Variants in RNGTT observed in about 807,000 individuals in gnomAD.
RNGTT encodes RNA guanylyltransferase and 5'-phosphatase, also known as mRNA-capping enzyme.
RNGTT carries 33 observed loss-of-function variants against 79.3 expected under a neutral mutation model. The observed-to-expected ratio is 0.42, with a 90% confidence interval of 0.32 to 0.56. RNGTT has a LOEUF of 0.56. Ranked by LOEUF, RNGTT falls within the 20% of genes least tolerant of loss-of-function variation. RNGTT has a pLI of 0.17. For synonymous variants in RNGTT, 222 were observed against 235.9 expected, an observed-to-expected ratio of 0.94 and a Z score of 0.54; for missense variants, 497 against 739.1, an observed-to-expected ratio of 0.67 and a Z score of 3.80.
chr6:88,705,196 A>G (rs7760588), intron 13 of RNGTT, among the ~76,000 whole-genome samples: 17,566 of 152,196 alleles, frequency 0.12, 3,414 homozygotes, highest in African/African-American at 0.4. Flanking sequence ...AAGACATTTT[A>G]TATCATAATC....
intron 13 of RNGTT, among the ~76,000 whole-genome samples, chr6:88,744,542 G>A (rs181763220): frequency 4.3e-4 from 65 of 152,254 alleles, no homozygotes; most frequent in Middle Eastern, 3.4e-3. Context: ...TAACAGGCAT[G>A]AGCCACCGTG....
At chr6:88,786,530 T>G (rs768799018) in intron 12 of RNGTT, among the ~76,000 whole-genome samples, 6 of 152,032 alleles carry the variant, frequency 3.9e-5, no homozygotes, top group Non-Finnish European at 8.8e-5. Context: ...TAGATAGGAG[T>G]CTAATAAAAC....
intron 7 of RNGTT, 61 bp from the exon 8 acceptor site, chr6:88,890,657 T>A: frequency 1.9e-6 from 2 of 1,048,958 alleles, no homozygotes; most frequent in Non-Finnish European, 2.9e-6. Flanking sequence ...ATACATGTCT[T>A]AAACCAATCT....
At chr6:88,799,729 G>T (rs1207680125) in intron 12 of RNGTT, among the ~76,000 whole-genome samples, 1 of 148,490 alleles carries the variant, frequency 6.7e-6, no homozygotes, top group Non-Finnish European at 1.5e-5. Context: ...AAAAAGTATG[G>T]TTACTAGAAA....
chr6:88,677,153 T>C (rs1255243590), intron 14 of RNGTT, among the ~76,000 whole-genome samples: 1 of 152,130 alleles, frequency 6.6e-6, no homozygotes, highest in Non-Finnish European at 1.5e-5. Context: ...TCAAAATAAT[T>C]ATGCTGAGTG....
intron 8 of RNGTT, among the ~76,000 whole-genome samples, chr6:88,883,876 C>T (rs1370573814): frequency 6.6e-6 from 1 of 152,084 alleles, no homozygotes; most frequent in Non-Finnish European, 1.5e-5. Context: ...ACAGATAATT[C>T]ACAAAAAAGA....
At position 88,771,770 on chromosome 6, in the gene RNGTT, T is replaced by C. The variant is rs1172106872; in HGVS notation, c.1339-1896A>G. ...GAGATCTTGCATGGCTTTTGTTAAA[T>C]GTATTCCTAATAATTTACTATTTTT... On this transcript the variant is annotated intron_variant, in intron 12 of 15. Coordinates refer to ENST00000369485, the MANE Select transcript of RNGTT (RefSeq NM_003800.5). Among the ~76,000 whole-genome samples, 3 of 152,172 alleles carry C rather than the reference T, an allele frequency of 2.0e-5. No homozygotes were observed. In the East Asian group the frequency reaches 5.8e-4, roughly 29 times the overall value.
intron 12 of RNGTT, among the ~76,000 whole-genome samples, chr6:88,800,062 T>C (rs910984002): frequency 6.6e-6 from 1 of 152,214 alleles, no homozygotes; most frequent in Non-Finnish European, 1.5e-5. Context: ...TTCTGTTCTT[T>C]GTTTGGCAAG....
chr6:88,698,031 TGATA>T, intron 13 of RNGTT, among the ~76,000 whole-genome samples: 1 of 105,332 alleles, frequency 9.5e-6, no homozygotes, highest in East Asian at 2.1e-4. Context: ...TACATATATA[TGATA>T]TATATATGAA....
intron 13 of RNGTT, among the ~76,000 whole-genome samples, chr6:88,695,263 T>A (rs75520887): frequency 1.3e-5 from 2 of 151,888 alleles, no homozygotes; most frequent in Non-Finnish European, 2.9e-5. Flanking sequence ...AGCGAGACAT[T>A]TGATAAGGGA....
At chr6:88,638,244 T>C (rs545426671) in intron 14 of RNGTT, among the ~76,000 whole-genome samples, 2 of 152,294 alleles carry the variant, frequency 1.3e-5, no homozygotes, top group East Asian at 1.9e-4. Context: ...ATTGGTTAGA[T>C]AGTATGAGCA....
chr6:88,841,244 C>A (rs771807667), intron 11 of RNGTT, among the ~76,000 whole-genome samples: 1 of 152,084 alleles, frequency 6.6e-6, no homozygotes, highest in East Asian at 1.9e-4. Context: ...AAGATCATAG[C>A]GGCAGAGGTC....
In RNGTT at chr6:88,840,068, T is replaced by C. The variant is rs139832183; in HGVS notation, c.1269+4289A>G. 3.9e-5 allele frequency among the ~76,000 whole-genome samples: 6 copies of C among 152,356 alleles called. No individual in the cohort carries two copies. In the East Asian group the frequency reaches 1.2e-3, roughly 29 times the overall value. On this transcript the variant is annotated intron_variant, in intron 11 of 15. Coordinates refer to ENST00000369485, the MANE Select transcript of RNGTT (RefSeq NM_003800.5). Reference sequence around the variant, plus strand: ...ATGCATGTTTTATAGCTGTAAATTTTGTTTAAAACTTCATAAAAGCTACCA... The same window carrying C: ...ATGCATGTTTTATAGCTGTAAATTTCGTTTAAAACTTCATAAAAGCTACCA...
intron 8 of RNGTT, among the ~76,000 whole-genome samples, chr6:88,871,431 T>C (rs1334304590): frequency 6.6e-6 from 1 of 152,132 alleles, no homozygotes; most frequent in Non-Finnish European, 1.5e-5. Context: ...TTGACACTCT[T>C]AACCTCAAGA....
intron 14 of RNGTT, among the ~76,000 whole-genome samples, chr6:88,625,652 G>A (rs1456772065): frequency 2.0e-5 from 3 of 151,682 alleles, no homozygotes; most frequent in African/African-American, 7.3e-5. Context: ...GAACTATTTT[G>A]TCTTGATTCT....
At chr6:88,678,298 G>A in intron 14 of RNGTT, 55 bp downstream of exon 14, 1 of 1,569,658 alleles carries the variant, frequency 6.4e-7, no homozygotes, top group East Asian at 2.3e-5. Flanking sequence ...AGGTTTTGAT[G>A]GATTCTAGAT....
intron 14 of RNGTT, among the ~76,000 whole-genome samples, chr6:88,621,512 C>T (rs533622609): frequency 2.0e-5 from 3 of 152,160 alleles, no homozygotes; most frequent in East Asian, 3.9e-4. Flanking sequence ...TCCCCACCTC[C>T]CCAAAAACAA....
In RNGTT at chr6:88,812,878, T is replaced by C. The variant is rs1377745019; in HGVS notation, c.1270-11246A>G. ...AAGGAAACAAAACAGCAATTATATT[T>C]TCATCTATCATTTAAGGATTTATTC... On this transcript the variant is annotated intron_variant, in intron 11 of 15. Transcript: ENST00000369485. Among the ~76,000 whole-genome samples the C allele has an allele frequency of 2.0e-5, 3 of 152,206 alleles. No homozygotes were observed. The East Asian group carries it at 5.8e-4, about 29-fold the overall frequency.
At chr6:88,893,624 T>TA (rs1218349653) in intron 6 of RNGTT, among the ~76,000 whole-genome samples, 2 of 152,148 alleles carry the variant, frequency 1.3e-5, no homozygotes, top group Non-Finnish European at 2.9e-5. Context: ...AGCCAATAAA[T>TA]ACTGAGCATC....
Sources: gnomAD v4.1 joint callset for allele counts (sites outside exome capture counted in the v4.1 genomes callset) on GRCh38, gnomAD v4.1.1 for gene constraint, MANE v1.5 for transcripts, NCBI Gene and HGNC (gene_info 2026-07-23, HGNC 2026-07-21) for gene names.